The following PRDM16 variants were observed in gnomAD, a reference collection of about 807,000 sequenced individuals.
The protein encoded by PRDM16 is histone-lysine N-methyltransferase PRDM16.
PRDM16 carries 23 observed loss-of-function variants against 110.6 expected under a neutral mutation model. The ratio of observed to expected loss-of-function variants is 0.21; its 90% CI spans 0.15 to 0.29. The LOEUF is 0.29. Ranked by LOEUF, PRDM16 falls within the 10% of genes least tolerant of loss-of-function variation. PRDM16 has a pLI of 1.00. For synonymous variants in PRDM16, 799 were observed against 781.8 expected (o/e 1.02, Z -0.37); for missense variants, 1,615 against 1,794.3 (o/e 0.90, Z 1.81).
intron 1 of PRDM16, among the ~76,000 whole-genome samples, chr1:3,156,961 G>A (rs1014155450): frequency 6.6e-6 from 1 of 152,230 alleles, no homozygotes; most frequent in Non-Finnish European, 1.5e-5. Context: ...AGGACGGAGG[G>A]TGCTGTAGGA....
At chr1:3,189,401 C>T (rs529448726) in intron 2 of PRDM16, among the ~76,000 whole-genome samples, 2 of 152,228 alleles carry the variant, frequency 1.3e-5, no homozygotes, top group South Asian at 4.2e-4. Flanking sequence ...GCCAGCGTCA[C>T]GCCAGGGGGA....
intron 1 of PRDM16, among the ~76,000 whole-genome samples, chr1:3,110,231 GT>G (rs1478564168): frequency 5.1e-5 from 7 of 138,228 alleles, no homozygotes; most frequent in African/African-American, 1.7e-4. Context: ...GCTCCCCTCT[GT>G]CCTGGGTGTG....
chr1:3,425,576 T>G lies in PRDM16; in HGVS notation c.2940-5T>G, dbSNP rs1471478685. 7 of 1,613,330 alleles carry G rather than the reference T, an allele frequency of 4.3e-6. No individual in the cohort carries two copies. The highest frequency in any genetic ancestry group is 1.1e-5 in the South Asian group (1 of 91,070). Reference sequence around the variant, plus strand: ...TGCACTGAGGAGCGCGTGTGCCCCTTCCAGGTGTAAGTACTGCGACCGCTC... The same window carrying G: ...TGCACTGAGGAGCGCGTGTGCCCCTGCCAGGTGTAAGTACTGCGACCGCTC... On this transcript the variant is annotated splice_region_variant and splice_polypyrimidine_tract_variant and intron_variant, in intron 12 of 16. Transcript: ENST00000270722. This position sits in a 1 kb window ranked among gnomAD's most constrained non-coding sequence, Gnocchi z 6.9.
intron 2 of PRDM16, among the ~76,000 whole-genome samples, chr1:3,217,023 A>G (rs1374067375): frequency 6.6e-6 from 1 of 152,230 alleles, no homozygotes; most frequent in Non-Finnish European, 1.5e-5. Context: ...CAAATGTTGC[A>G]GGGCAGCAGG....
chr1:3,218,537 T>G (rs572969316), intron 2 of PRDM16, among the ~76,000 whole-genome samples: 1 of 152,306 alleles, frequency 6.6e-6, no homozygotes, highest in South Asian at 2.1e-4. Context: ...TGGGCATCGG[T>G]GGGGCCTGTC....
chr1:3,420,751 A>T (rs1033824269), intron 12 of PRDM16, among the ~76,000 whole-genome samples: 2 of 3,064 alleles, frequency 6.5e-4, no homozygotes, highest in African/African-American at 1.2e-3. Context: ...TTATTTCTTA[A>T]AAAAAAAGTT....
chr1:3,229,801 CAG>C (rs1241610354), intron 2 of PRDM16, among the ~76,000 whole-genome samples: 1 of 152,216 alleles, frequency 6.6e-6, no homozygotes, highest in Non-Finnish European at 1.5e-5. Flanking sequence ...CAGGCAGGAG[CAG>C]CCCCCAGAGG....
intron 2 of PRDM16, among the ~76,000 whole-genome samples, chr1:3,223,151 C>A (rs1164474721): frequency 1.6e-5 from 2 of 128,220 alleles, no homozygotes; most frequent in African/African-American, 6.2e-5. Flanking sequence ...TGCTCTGTTG[C>A]CAGGCTGGAG....
At chr1:3,228,248 C>T (rs796673808) in intron 2 of PRDM16, among the ~76,000 whole-genome samples, 19 of 152,316 alleles carry the variant, frequency 1.2e-4, no homozygotes, top group African/African-American at 4.6e-4. Context: ...GATGCACTTG[C>T]GTTCACTCGC....
chr1:3,290,673 C>A lies in PRDM16; in HGVS notation c.438+46536C>A, dbSNP rs1640953029. Among the ~76,000 whole-genome samples the A allele has an allele frequency of 6.6e-6, 1 of 152,120 alleles. No homozygotes were observed. Among genetic ancestry groups the A allele is most frequent in the South Asian group, 2.1e-4 (1 of 4,818 alleles). On this transcript the variant is annotated intron_variant, in intron 3 of 16. Transcript: ENST00000270722. This position sits in a 1 kb window ranked among gnomAD's most constrained non-coding sequence, Gnocchi z 4.8. Reference sequence around the variant, plus strand: ...CAGCGCTGGCTGAAGGAGCACTGTCCCCACAACCCAGGGAAACAACAGGGC... The same window carrying A: ...CAGCGCTGGCTGAAGGAGCACTGTCACCACAACCCAGGGAAACAACAGGGC...
At chr1:3,183,944 G>T (rs1047036713) in intron 1 of PRDM16, among the ~76,000 whole-genome samples, 2 of 152,170 alleles carry the variant, frequency 1.3e-5, no homozygotes, top group African/African-American at 4.8e-5. Context: ...GACTTTGTTT[G>T]CGAGCTCCGT....
Position 3,332,824 on chromosome 1 carries a change from T to C in PRDM16, c.439-52328T>C, listed in dbSNP as rs1341942034. Among the ~76,000 whole-genome samples the C allele has an allele frequency of 2.0e-5, 3 of 151,638 alleles. No homozygotes were observed. The East Asian group carries it at 5.8e-4, about 30-fold the overall frequency. ...GCCCTGGCAACTGCTGACCCATCCCTGTTCGGCCTCTGGATTTGTCCTCTC... is the reference window on the plus strand; with the variant it reads ...GCCCTGGCAACTGCTGACCCATCCCCGTTCGGCCTCTGGATTTGTCCTCTC... On this transcript the variant is annotated intron_variant, in intron 3 of 16. Coordinates refer to ENST00000270722, the MANE Select transcript of PRDM16 (RefSeq NM_022114.4).
At position 3,238,695 on chromosome 1, in the gene PRDM16, C is replaced by T. The variant is rs190586880; in HGVS notation, c.388-5392C>T. Among the ~76,000 whole-genome samples, 238 of 152,290 alleles carry T rather than the reference C, an allele frequency of 1.6e-3. 3 individuals carry two copies. Among genetic ancestry groups the T allele is most frequent in the Admixed American group, 5.0e-3 (76 of 15,312 alleles). On this transcript the variant is annotated intron_variant, in intron 2 of 16. Coordinates refer to ENST00000270722, the MANE Select transcript of PRDM16 (RefSeq NM_022114.4). ...CCAGCTTTGCTGGAGCCCACACGGCCGGAGGGAGCTTGGCCGTGGAGAGAG... is the reference window on the plus strand; with the variant it reads ...CCAGCTTTGCTGGAGCCCACACGGCTGGAGGGAGCTTGGCCGTGGAGAGAG...
In PRDM16 at chr1:3,143,798, G is replaced by A. The variant is rs1333235393; in HGVS notation, c.38-42327G>A. Among the ~76,000 whole-genome samples, 2 of 152,166 alleles carry A rather than the reference G, an allele frequency of 1.3e-5. No individual in the cohort carries two copies. The highest frequency in any genetic ancestry group is 2.4e-5 in the African/African-American group (1 of 41,438). ...GGCTTATTCTTTTTTTCTAAATAGT[G>A]AGGCCCAGAGTGCAGGTGTGTGTCA... is the stretch of plus-strand genomic sequence containing the variant. On this transcript the variant is annotated intron_variant, in intron 1 of 16. Transcript: ENST00000270722. The surrounding 1 kb of genome is among the most constrained non-coding windows in gnomAD (Gnocchi z 4.5).
In PRDM16 at chr1:3,181,718, AGTCTTACACACG is replaced by A. The variant is rs1275132909; in HGVS notation, c.38-4393_38-4382del. 6.0e-3 allele frequency among the ~76,000 whole-genome samples: 527 copies of A among 87,862 alleles called. 20 individuals are homozygous for A. The highest frequency in any genetic ancestry group is 0.018 in the African/African-American group (446 of 24,114). The allele number at this position is 87,862 out of a possible 152,430, so 57.6% of individuals were successfully genotyped here. ...GTCTTACACACGGTCTTACACACGC[AGTCTTACACACG>A]GTCTTACACACGGAGTCTTACACAC... On this transcript the variant is annotated intron_variant, in intron 1 of 16. Coordinates refer to ENST00000270722, the MANE Select transcript of PRDM16 (RefSeq NM_022114.4).
chr1:3,321,073 G>A (rs931324065), intron 3 of PRDM16, among the ~76,000 whole-genome samples: 1 of 152,204 alleles, frequency 6.6e-6, no homozygotes, highest in Admixed American at 6.5e-5. Context: ...ACTTACCATG[G>A]GAGCTGCGTG....
At chr1:3,373,667 C>T (rs553914565) in intron 3 of PRDM16, among the ~76,000 whole-genome samples, 9 of 152,326 alleles carry the variant, frequency 5.9e-5, no homozygotes, top group East Asian at 3.9e-4. Flanking sequence ...GAGCTTCTCT[C>T]CTGGGGGTGC....
rs534726028 is a variant in PRDM16, at chr1:3,105,146, C to A, written c.37+35850C>A. Among the ~76,000 whole-genome samples, 12 of 152,288 alleles carry A rather than the reference C, an allele frequency of 7.9e-5. No homozygotes were observed. In the South Asian group the frequency reaches 8.3e-4, roughly 11 times the overall value. ...ATCCCCCCAAGTAGTGAGCCCTCCCCACGATGGCCACAGGCTCCTCACTGG... is the reference window on the plus strand; with the variant it reads ...ATCCCCCCAAGTAGTGAGCCCTCCCAACGATGGCCACAGGCTCCTCACTGG... On this transcript the variant is annotated intron_variant, in intron 1 of 16. Coordinates refer to ENST00000270722, the MANE Select transcript of PRDM16 (RefSeq NM_022114.4).
intron 2 of PRDM16, among the ~76,000 whole-genome samples, chr1:3,197,469 T>C (rs548601029): frequency 6.6e-6 from 1 of 152,326 alleles, no homozygotes; most frequent in Non-Finnish European, 1.5e-5. Flanking sequence ...GGCACAGGCC[T>C]GAGAGGCAGC....
Sources: allele counts gnomAD v4.1 joint callset (sites outside exome capture counted in the v4.1 genomes callset), GRCh38; gene constraint gnomAD v4.1.1; non-coding constraint Gnocchi (gnomAD v3.1); transcripts MANE v1.5; gene names NCBI Gene and HGNC (gene_info 2026-07-23, HGNC 2026-07-21).